Variants in DLGAP2 observed in about 807,000 individuals in gnomAD.
The protein encoded by DLGAP2 is DLG associated protein 2.
DLGAP2 carries 26 observed loss-of-function variants against 100.3 expected under a neutral mutation model. That is an observed-to-expected ratio of 0.26 (90% confidence interval 0.19 to 0.36). The LOEUF is 0.36. Ranked by LOEUF, DLGAP2 falls within the 10% of genes least tolerant of loss-of-function variation. The probability of loss-of-function intolerance (pLI) is 1.00; values close to 1 mark genes in which losing one functional copy is unlikely to be tolerated. For synonymous variants in DLGAP2, 886 were observed against 630.1 expected, an observed-to-expected ratio of 1.41 and a Z score of -6.08; for missense variants, 1,858 against 1,453.2, an observed-to-expected ratio of 1.28 and a Z score of -4.53.
At chr8:1,141,161 G>A (rs1229072649) in intron 2 of DLGAP2, among the ~76,000 whole-genome samples, 2 of 152,160 alleles carry the variant, frequency 1.3e-5, no homozygotes, top group East Asian at 1.9e-4. Context: ...GAGGGACTGA[G>A]GGGCTTTTAC....
chr8:1,501,677 A>T (rs1428261991), intron 4 of DLGAP2, among the ~76,000 whole-genome samples: 1 of 152,210 alleles, frequency 6.6e-6, no homozygotes, highest in African/African-American at 2.4e-5. Context: ...CACATAAACG[A>T]TGCATGTCTC....
intron 3 of DLGAP2, among the ~76,000 whole-genome samples, chr8:1,414,617 C>T (rs568946715): frequency 1.3e-5 from 2 of 152,310 alleles, no homozygotes; most frequent in East Asian, 1.9e-4. Context: ...CGGAGCTGCC[C>T]GGCAGCTGTC....
chr8:1,495,450 C>T (rs967951190), intron 3 of DLGAP2, among the ~76,000 whole-genome samples: 7 of 152,140 alleles, frequency 4.6e-5, no homozygotes, highest in Non-Finnish European at 8.8e-5. Context: ...ACTGAGCCGG[C>T]CAGGGCAGCC....
intron 2 of DLGAP2, among the ~76,000 whole-genome samples, chr8:1,242,050 C>A (rs1798808264): frequency 6.6e-6 from 1 of 152,156 alleles, no homozygotes; most frequent in African/African-American, 2.4e-5. Context: ...GGCGTATATT[C>A]CAGTATAATT....
chr8:1,227,721 G>C (rs1798451256), intron 2 of DLGAP2, among the ~76,000 whole-genome samples: 1 of 152,116 alleles, frequency 6.6e-6, no homozygotes. Flanking sequence ...ATTATATAAA[G>C]AGATAAAACT....
At chr8:1,084,194 A>C (rs1015720740) in intron 2 of DLGAP2, among the ~76,000 whole-genome samples, 2 of 152,232 alleles carry the variant, frequency 1.3e-5, no homozygotes, top group African/African-American at 4.8e-5. Flanking sequence ...CTAGTCTGTC[A>C]AACTACCAAG....
intron 2 of DLGAP2, among the ~76,000 whole-genome samples, chr8:965,069 C>G (rs1222748032): frequency 2.1e-4 from 32 of 150,036 alleles, no homozygotes; most frequent in African/African-American, 7.6e-4. Context: ...GAGTCTGACC[C>G]CGCACTGCAC....
chr8:1,431,084 G>A (rs1797418301), intron 3 of DLGAP2, among the ~76,000 whole-genome samples: 1 of 152,184 alleles, frequency 6.6e-6, no homozygotes, highest in Non-Finnish European at 1.5e-5. Flanking sequence ...ACTGTAAAAT[G>A]GGAAGCAAAG....
At chr8:1,575,625 C>G (rs1278790662) in intron 6 of DLGAP2, among the ~76,000 whole-genome samples, 1 of 99,676 alleles carries the variant, frequency 1.0e-5, no homozygotes, top group Non-Finnish European at 1.8e-5. Context: ...CCCCTCCCCC[C>G]ACCCCATAAC....
chr8:1,577,291 G>T (rs1176798019), intron 6 of DLGAP2, among the ~76,000 whole-genome samples: 2 of 152,186 alleles, frequency 1.3e-5, no homozygotes, highest in Admixed American at 6.5e-5. Context: ...TTAAGGGGCT[G>T]GGCGCGGTGG....
At chr8:1,117,790 C>T (rs144285748) in intron 2 of DLGAP2, among the ~76,000 whole-genome samples, 173 of 152,266 alleles carry the variant, frequency 1.1e-3, no homozygotes, top group African/African-American at 2.4e-3. Context: ...GAATCACCTG[C>T]GCATTCTTGA....
intron 6 of DLGAP2, among the ~76,000 whole-genome samples, chr8:1,623,897 G>A (rs1033565588): frequency 2.0e-5 from 3 of 152,170 alleles, no homozygotes; most frequent in Non-Finnish European, 2.9e-5. Context: ...TTTCTTCAGC[G>A]GCAACATTTA....
intron 2 of DLGAP2, among the ~76,000 whole-genome samples, chr8:972,278 G>C (rs1269319936): frequency 6.6e-6 from 1 of 152,166 alleles, no homozygotes; most frequent in Non-Finnish European, 1.5e-5. Flanking sequence ...ATGCGGAAAG[G>C]AAGAAATGAA....
intron 2 of DLGAP2, among the ~76,000 whole-genome samples, chr8:1,230,680 A>G (rs1798517475): frequency 1.3e-5 from 2 of 152,228 alleles, no homozygotes. Context: ...ACAGAACAGA[A>G]TATACAACCC....
chr8:1,618,441 A>G lies in DLGAP2; in HGVS notation c.1443-8299A>G, dbSNP rs1157070481. On this transcript the variant is annotated intron_variant, in intron 6 of 14. Transcript: ENST00000637795. ...ACTGTGATGCATTGGAAGTCTCAGT[A>G]ATGTGAAGATGTGAAATCTCCCCAG... Among the ~76,000 whole-genome samples the G allele has an allele frequency of 3.3e-5, 5 of 152,332 alleles. No individual in the cohort carries two copies. The East Asian group carries it at 7.7e-4, about 24-fold the overall frequency.
intron 6 of DLGAP2, among the ~76,000 whole-genome samples, chr8:1,587,996 C>T (rs764232581): frequency 6.6e-6 from 1 of 152,166 alleles, no homozygotes; most frequent in Non-Finnish European, 1.5e-5. Context: ...ATTCCTGCCC[C>T]ATAACCAAGG....
intron 2 of DLGAP2, among the ~76,000 whole-genome samples, chr8:1,222,246 A>G (rs1330216146): frequency 6.6e-6 from 1 of 152,048 alleles, no homozygotes; most frequent in African/African-American, 2.4e-5. Flanking sequence ...TATCTTTTGG[A>G]TGGGGCTTTT....
At chr8:1,515,800 C>A (rs900796028) in intron 4 of DLGAP2, among the ~76,000 whole-genome samples, 7 of 152,238 alleles carry the variant, frequency 4.6e-5, no homozygotes, top group African/African-American at 1.7e-4. Flanking sequence ...CCTGTCTGCC[C>A]CTCCAGTCTG....
At position 847,262 on chromosome 8, in the gene DLGAP2, G is replaced by A. The variant is rs183031905; in HGVS notation, c.19-60650G>A. On this transcript the variant is annotated intron_variant, in intron 1 of 14. Coordinates refer to ENST00000637795, the MANE Select transcript of DLGAP2 (RefSeq NM_001346810.2). ...ATTATCTTAGTTTTCAGATATACTG[G>A]CCAAAGTTCACAGTGTTTCTTTTGA... 6.2e-4 allele frequency among the ~76,000 whole-genome samples: 94 copies of A among 152,176 alleles called. 1 individual carries two copies. Among genetic ancestry groups the A allele is most frequent in the Admixed American group, 4.0e-3 (61 of 15,300 alleles).
Sources: gnomAD v4.1 joint callset for allele counts (sites outside exome capture counted in the v4.1 genomes callset) on GRCh38, gnomAD v4.1.1 for gene constraint, MANE v1.5 for transcripts, NCBI Gene and HGNC (gene_info 2026-07-23, HGNC 2026-07-21) for gene names.